CDK6: variants seen among roughly 807,000 people sequenced by gnomAD.
CDK6 encodes cyclin-dependent kinase 6.
A neutral mutation model predicts 37.1 loss-of-function variants in CDK6; 6 were observed. The observed-to-expected ratio is 0.16, with a 90% CI of 0.09 to 0.32. CDK6 has a LOEUF of 0.32. Ranked by LOEUF, CDK6 falls within the 10% of genes least tolerant of loss-of-function variation. The pLI, the probability that CDK6 is intolerant of heterozygous loss-of-function variation, is 1.00. For synonymous variants in CDK6, 160 were observed against 161.3 expected (o/e 0.99, Z 0.06); for missense variants, 224 against 418.9 (o/e 0.53, Z 4.06).
intron 2 of CDK6, among the ~76,000 whole-genome samples, chr7:92,827,146 C>T (rs1017607317): frequency 2.0e-5 from 3 of 152,084 alleles, no homozygotes; most frequent in Non-Finnish European, 4.4e-5. Flanking sequence ...TTTTTGCATT[C>T]ATAAAACAAC....
At chr7:92,635,790 C>T (rs559524011) in intron 5 of CDK6, among the ~76,000 whole-genome samples, 2 of 152,168 alleles carry the variant, frequency 1.3e-5, no homozygotes, top group East Asian at 1.9e-4. Context: ...CCGTGCTGTG[C>T]TATTTAAAAA....
chr7:92,762,830 C>T (rs2115731658), intron 3 of CDK6, among the ~76,000 whole-genome samples: 1 of 152,266 alleles, frequency 6.6e-6, no homozygotes, highest in East Asian at 1.9e-4. Context: ...CTCAATCTCC[C>T]AAAGTGCTGG....
chr7:92,740,192 C>T (rs564059832), intron 3 of CDK6, among the ~76,000 whole-genome samples: 4 of 152,352 alleles, frequency 2.6e-5, no homozygotes, highest in South Asian at 2.1e-4. Flanking sequence ...GGATTAATTT[C>T]CAGCTGTTCC....
intron 2 of CDK6, among the ~76,000 whole-genome samples, chr7:92,793,506 T>C (rs969888642): frequency 3.3e-5 from 5 of 152,118 alleles, no homozygotes; most frequent in Non-Finnish European, 7.4e-5. Flanking sequence ...CAGGAAAGAA[T>C]AATCTTTTCA....
At chr7:92,826,877 C>A (rs1801331536) in intron 2 of CDK6, among the ~76,000 whole-genome samples, 1 of 152,040 alleles carries the variant, frequency 6.6e-6, no homozygotes, top group Non-Finnish European at 1.5e-5. Context: ...ACGGGTTAAC[C>A]AATGGTTATG....
chr7:92,637,346 T>C (rs891447273), intron 5 of CDK6, among the ~76,000 whole-genome samples: 1 of 152,210 alleles, frequency 6.6e-6, no homozygotes, highest in African/African-American at 2.4e-5. Flanking sequence ...ACTCGTAGTC[T>C]TGGCATTGTA....
intron 5 of CDK6, among the ~76,000 whole-genome samples, chr7:92,661,446 A>G (rs187227814): frequency 1.3e-5 from 2 of 152,274 alleles, no homozygotes; most frequent in Admixed American, 1.3e-4. Context: ...TTAACTACTA[A>G]TGGCCGAGTA....
intron 5 of CDK6, among the ~76,000 whole-genome samples, chr7:92,627,251 T>G (rs2116503371): frequency 6.6e-6 from 1 of 152,136 alleles, no homozygotes; most frequent in East Asian, 1.9e-4. Flanking sequence ...CAATGTAAAT[T>G]TATACGAACA....
chr7:92,647,310 T>C (rs1350919950), intron 5 of CDK6, among the ~76,000 whole-genome samples: 2 of 152,176 alleles, frequency 1.3e-5, no homozygotes, highest in Non-Finnish European at 2.9e-5. Flanking sequence ...AGGAAAAAAG[T>C]CAAGGTGTTG....
At chr7:92,621,008 A>G (rs1037609240) in intron 6 of CDK6, among the ~76,000 whole-genome samples, 1 of 152,230 alleles carries the variant, frequency 6.6e-6, no homozygotes, top group Non-Finnish European at 1.5e-5. Context: ...ATGTGTTGTG[A>G]AATTCTGATA....
At chr7:92,784,899 A>C (rs1800084053) in intron 2 of CDK6, among the ~76,000 whole-genome samples, 1 of 152,254 alleles carries the variant, frequency 6.6e-6, no homozygotes, top group Non-Finnish European at 1.5e-5. Context: ...AGATGTCATT[A>C]GGAAAGCGTG....
chr7:92,794,602 A>G (rs1193308256), intron 2 of CDK6, among the ~76,000 whole-genome samples: 2 of 152,034 alleles, frequency 1.3e-5, no homozygotes, highest in Admixed American at 6.6e-5. Flanking sequence ...TGACGTCCCT[A>G]CTGATCTTCA....
intron 5 of CDK6, among the ~76,000 whole-genome samples, chr7:92,640,052 A>G (rs1796266007): frequency 6.6e-6 from 1 of 152,168 alleles, no homozygotes; most frequent in Admixed American, 6.5e-5. Flanking sequence ...ATAGATCAGG[A>G]GATAATACAC....
chr7:92,750,259 T>C (rs1415525486), intron 3 of CDK6, among the ~76,000 whole-genome samples: 2 of 152,192 alleles, frequency 1.3e-5, no homozygotes, highest in African/African-American at 4.8e-5. Flanking sequence ...TTTGGGCAAC[T>C]CACCACCCTC....
chr7:92,709,577 TTTTA>T (rs1798039626), intron 4 of CDK6, among the ~76,000 whole-genome samples: 1 of 152,196 alleles, frequency 6.6e-6, no homozygotes, highest in Non-Finnish European at 1.5e-5. Context: ...CATATATGTA[TTTTA>T]TTTATGCATC....
At chr7:92,753,567 A>G (rs1221395707) in intron 3 of CDK6, among the ~76,000 whole-genome samples, 2 of 150,702 alleles carry the variant, frequency 1.3e-5, no homozygotes, top group East Asian at 3.9e-4. Context: ...ACCTCGGCTC[A>G]CTGCAACCTC....
chr7:92,828,064 T>C (rs1222028495), intron 2 of CDK6, among the ~76,000 whole-genome samples: 3 of 152,108 alleles, frequency 2.0e-5, no homozygotes, highest in Non-Finnish European at 4.4e-5. Context: ...TACTCCTCTT[T>C]GTCTAAAATG....
chr7:92,665,860 G>T (rs188813295), intron 5 of CDK6, among the ~76,000 whole-genome samples: 2 of 152,222 alleles, frequency 1.3e-5, no homozygotes, highest in Admixed American at 1.3e-4. Context: ...AGGCAGACAT[G>T]GGGTCTTGGC....
chr7:92,725,859 G>C (rs2116711223), intron 3 of CDK6, 66 bp from the exon 4 acceptor site: 14 of 1,445,848 alleles, frequency 9.7e-6, no homozygotes, highest in African/African-American at 1.4e-5. Flanking sequence ...TGCTATGCTG[G>C]ACGCCGAATC....
Sources: allele counts gnomAD v4.1 joint callset (sites outside exome capture counted in the v4.1 genomes callset), GRCh38; gene constraint gnomAD v4.1.1; transcripts MANE v1.5; gene names NCBI Gene and HGNC (gene_info 2026-07-23, HGNC 2026-07-21).